The following LINGO2 variants were observed in gnomAD, a reference collection of about 807,000 sequenced individuals.
LINGO2 encodes the protein leucine-rich repeat and immunoglobulin-like domain-containing nogo receptor-interacting protein 2.
Under a neutral mutation model 30.6 loss-of-function variants are expected in LINGO2, and 14 were observed. That is an observed-to-expected ratio of 0.46 (90% CI 0.30 to 0.72). The LOEUF (loss-of-function observed/expected upper bound fraction) is 0.72. Ranked by LOEUF, LINGO2 falls within the 30% of genes least tolerant of loss-of-function variation. The pLI, the probability that LINGO2 is intolerant of heterozygous loss-of-function variation, is 0.07. For missense variants in LINGO2, 729 were observed against 751.7 expected (o/e 0.97, Z 0.35); for synonymous variants, 317 against 288.5 (o/e 1.10, Z -1.00).
the LINGO2 span, among the ~76,000 whole-genome samples, chr9:28,944,329 C>G: frequency 6.7e-6 from 1 of 150,172 alleles, no homozygotes; most frequent in Non-Finnish European, 1.5e-5. Context: ...AACCTAGATA[C>G]AAAGGGGGCT....
chr9:28,652,321 A>G (rs1046094232), intron 1 of LINGO2, among the ~76,000 whole-genome samples: 1 of 152,182 alleles, frequency 6.6e-6, no homozygotes, highest in Non-Finnish European at 1.5e-5. Context: ...TAAGATACCA[A>G]CTACTAAGTT....
chr9:28,812,037 G>T, the LINGO2 span, among the ~76,000 whole-genome samples: 1 of 151,326 alleles, frequency 6.6e-6, no homozygotes, highest in Non-Finnish European at 1.5e-5. Context: ...AGTCACTGCA[G>T]CAGAGTTTTA....
chr9:28,256,177 G>A (rs953330701), intron 4 of LINGO2, among the ~76,000 whole-genome samples: 4 of 151,870 alleles, frequency 2.6e-5, no homozygotes, highest in Admixed American at 1.3e-4. Flanking sequence ...TTTTGTAAGC[G>A]GCCCTCACCC....
the LINGO2 span, among the ~76,000 whole-genome samples, chr9:29,178,547 T>C: frequency 6.6e-6 from 1 of 152,140 alleles, no homozygotes; most frequent in South Asian, 2.1e-4. Flanking sequence ...TATCTTATAC[T>C]GTAGCAAAAA....
the LINGO2 span, among the ~76,000 whole-genome samples, chr9:28,896,671 T>A: frequency 6.6e-6 from 1 of 152,068 alleles, no homozygotes; most frequent in Non-Finnish European, 1.5e-5. Context: ...AAAAATACAC[T>A]GGTGGTGTAG....
the LINGO2 span, among the ~76,000 whole-genome samples, chr9:28,675,928 T>TACAC: frequency 5.9e-4 from 80 of 135,686 alleles, no homozygotes; most frequent in East Asian, 1.8e-3. Flanking sequence ...TATATATACA[T>TACAC]ACACACACAC....
chr9:28,907,450 T>G, the LINGO2 span, among the ~76,000 whole-genome samples: 1 of 151,624 alleles, frequency 6.6e-6, no homozygotes, highest in African/African-American at 2.4e-5. Context: ...TGATCAACAG[T>G]GTAGTAGATT....
chr9:28,993,685 A>T, the LINGO2 span, among the ~76,000 whole-genome samples: 1 of 150,498 alleles, frequency 6.6e-6, no homozygotes, highest in Non-Finnish European at 1.5e-5. Context: ...AGTGGGCATC[A>T]TCCCTGGGAC....
chr9:28,648,253 T>C (rs1014923044), intron 1 of LINGO2, among the ~76,000 whole-genome samples: 3 of 152,168 alleles, frequency 2.0e-5, no homozygotes, highest in African/African-American at 7.2e-5. Context: ...CTCAGAATTA[T>C]GCTTCTCTAG....
chr9:28,176,981 A>G (rs1828768595), intron 4 of LINGO2, among the ~76,000 whole-genome samples: 2 of 152,212 alleles, frequency 1.3e-5, no homozygotes, highest in Non-Finnish European at 2.9e-5. Context: ...ACACAATAAT[A>G]CTTCCTCATT....
At chr9:28,987,960 C>T in the LINGO2 span, among the ~76,000 whole-genome samples, 1 of 152,076 alleles carries the variant, frequency 6.6e-6, no homozygotes, top group Non-Finnish European at 1.5e-5. Flanking sequence ...ATGTGATCTA[C>T]CTTGGGGAAG....
chr9:28,520,187 A>G (rs991527322), intron 1 of LINGO2, among the ~76,000 whole-genome samples: 2 of 152,128 alleles, frequency 1.3e-5, no homozygotes, highest in Non-Finnish European at 2.9e-5. Context: ...CATTAGCTAC[A>G]ATCTTCAGTA....
chr9:27,989,331 C>G (rs959194482), intron 5 of LINGO2, among the ~76,000 whole-genome samples: 16 of 151,898 alleles, frequency 1.1e-4, no homozygotes, highest in African/African-American at 3.9e-4. Context: ...AGTTTCCCAA[C>G]AAAATATAAG....
intron 2 of LINGO2, among the ~76,000 whole-genome samples, chr9:28,388,219 A>G (rs75840494): frequency 2.6e-3 from 399 of 152,292 alleles, no homozygotes; most frequent in Non-Finnish European, 3.3e-3. Context: ...CTATGATAGA[A>G]TCGCTCTTTT....
intron 4 of LINGO2, among the ~76,000 whole-genome samples, chr9:28,278,859 T>A (rs1181660766): frequency 6.6e-6 from 1 of 152,204 alleles, no homozygotes; most frequent in Non-Finnish European, 1.5e-5. Context: ...AGATAGTGAT[T>A]CCTCTGATGG....
chr9:28,281,753 C>G (rs1823334644), intron 4 of LINGO2, among the ~76,000 whole-genome samples: 1 of 150,350 alleles, frequency 6.7e-6, no homozygotes, highest in African/African-American at 2.4e-5. Context: ...TAAGGCTAAT[C>G]TGGCAGATAG....
At chr9:28,136,560 C>CT (rs1271871514) in intron 4 of LINGO2, among the ~76,000 whole-genome samples, 3 of 152,092 alleles carry the variant, frequency 2.0e-5, no homozygotes, top group African/African-American at 4.8e-5. Flanking sequence ...CACTTTTTCT[C>CT]TTTTTTTGTG....
At chr9:28,459,173 T>C (rs12002465) in intron 2 of LINGO2, among the ~76,000 whole-genome samples, 3,204 of 152,088 alleles carry the variant, frequency 0.021, 110 homozygotes, top group African/African-American at 0.071. Flanking sequence ...ATTAGTAAAC[T>C]TCAAAAGGCA....
At chr9:28,102,333 T>A (rs959069141) in intron 4 of LINGO2, among the ~76,000 whole-genome samples, 3 of 152,098 alleles carry the variant, frequency 2.0e-5, no homozygotes, top group Admixed American at 2.0e-4. Context: ...ATATTTTAAA[T>A]TCAAGTATTA....
Sources: gnomAD v4.1 joint callset for allele counts (sites outside exome capture counted in the v4.1 genomes callset) on GRCh38, gnomAD v4.1.1 for gene constraint, MANE v1.5 for transcripts, NCBI Gene and HGNC (gene_info 2026-07-23, HGNC 2026-07-21) for gene names.